Variants in EFHC2 observed in about 807,000 individuals in gnomAD.
EFHC2 encodes EF-hand domain containing 2, also known as EF-hand domain-containing family member C2.
Under a neutral mutation model 52.7 loss-of-function variants are expected in EFHC2, and 18 were observed. The ratio of observed to expected loss-of-function variants is 0.34; its 90% confidence interval spans 0.24 to 0.51. EFHC2 has a LOEUF of 0.51. Ranked by LOEUF, EFHC2 falls within the 20% of genes least tolerant of loss-of-function variation. The pLI, the probability that EFHC2 is intolerant of heterozygous loss-of-function variation, is 0.97. For synonymous variants in EFHC2, 203 were observed against 204.1 expected, an observed-to-expected ratio of 0.99 and a Z score of 0.04; for missense variants, 513 against 562.5, an observed-to-expected ratio of 0.91 and a Z score of 0.89.
intron 2 of EFHC2, among the ~76,000 whole-genome samples, chrX:44,294,707 A>C (rs1196471441): frequency 1.8e-5 from 2 of 112,000 alleles, no homozygotes; most frequent in African/African-American, 6.5e-5. Context: ...CAAAGAGTAC[A>C]CAGTCAAGTA....
At chrX:44,309,184 AC>A (rs1156658582) in intron 2 of EFHC2, 1 of 348,000 alleles carries the variant, frequency 2.9e-6, no homozygotes, top group Non-Finnish European at 5.1e-6. Context: ...TGAGGTAGCT[AC>A]ACAGTTTTAA....
At chrX:44,251,841 A>G (rs1210244590) in intron 4 of EFHC2, among the ~76,000 whole-genome samples, 1 of 108,708 alleles carries the variant, frequency 9.2e-6, no homozygotes, top group African/African-American at 3.3e-5. Flanking sequence ...AATATTCTAC[A>G]TCTCGATTTT....
In EFHC2 at chrX:44,342,834, T is replaced by TC. The variant is rs1207774136; in HGVS notation, c.42+712dup. 1.1e-4 allele frequency among the ~76,000 whole-genome samples: 10 copies of TC among 90,378 alleles called. No individual in the cohort carries two copies. In the East Asian group the frequency reaches 3.3e-3, roughly 30 times the overall value. 78.5% of individuals were successfully genotyped at this position (90,378 alleles called of 115,157 possible). A position where few individuals can be genotyped will look rare whatever the true frequency, so the allele number is the denominator to read the frequency against. Reference sequence around the variant, plus strand: ...GAGGTTGCAGTGAGCCGAGATCGGGTCACTGCACTCCAGCCTGGGCGACAG... The same window carrying TC: ...GAGGTTGCAGTGAGCCGAGATCGGGTCCACTGCACTCCAGCCTGGGCGACAG... On this transcript the variant is annotated intron_variant, in intron 1 of 14. Coordinates refer to ENST00000420999, the MANE Select transcript of EFHC2 (RefSeq NM_025184.4).
At chrX:44,257,538 T>C (rs180914288) in intron 4 of EFHC2, among the ~76,000 whole-genome samples, 219 of 111,637 alleles carry the variant, frequency 2.0e-3, no homozygotes, top group South Asian at 5.3e-3. Flanking sequence ...CCATTCACAA[T>C]TGCTACAAAG....
intron 3 of EFHC2, among the ~76,000 whole-genome samples, chrX:44,270,485 T>C (rs1232257802): frequency 9.0e-6 from 1 of 111,417 alleles, no homozygotes; most frequent in East Asian, 2.8e-4. Context: ...GCAGAAATCA[T>C]GAGATGTGTT....
intron 1 of EFHC2, among the ~76,000 whole-genome samples, chrX:44,325,846 A>C (rs1203822457): frequency 9.6e-6 from 1 of 104,591 alleles, no homozygotes; most frequent in Non-Finnish European, 1.9e-5. Context: ...TTCTATTGCC[A>C]CAATAGCTAA....
At chrX:44,162,493 T>C (rs1376439361) in intron 14 of EFHC2, among the ~76,000 whole-genome samples, 1 of 111,181 alleles carries the variant, frequency 9.0e-6, no homozygotes, top group Non-Finnish European at 1.9e-5. Context: ...CTGTCTTCCT[T>C]GAAGTTAGTC....
intron 14 of EFHC2, among the ~76,000 whole-genome samples, chrX:44,149,571 A>G (rs962387558): frequency 5.4e-5 from 6 of 111,557 alleles, no homozygotes; most frequent in African/African-American, 2.0e-4. Flanking sequence ...GCTGGAGTAC[A>G]CTGGCACAAT....
At chrX:44,155,929 T>C (rs1190508630) in intron 14 of EFHC2, among the ~76,000 whole-genome samples, 2 of 112,444 alleles carry the variant, frequency 1.8e-5, no homozygotes, top group Non-Finnish European at 3.8e-5. Flanking sequence ...AACCAGAAGA[T>C]TAGCTTATAT....
At chrX:44,305,175 T>C (rs1158751137) in intron 2 of EFHC2, among the ~76,000 whole-genome samples, 2 of 110,282 alleles carry the variant, frequency 1.8e-5, no homozygotes, top group Non-Finnish European at 3.8e-5. Flanking sequence ...GACAGGAGAA[T>C]CGCTTGAACT....
chrX:44,262,830 G>A (rs1241828272), intron 3 of EFHC2, among the ~76,000 whole-genome samples: 1 of 111,669 alleles, frequency 9.0e-6, no homozygotes, highest in Non-Finnish European at 1.9e-5. Context: ...GTAACCCTTA[G>A]CTTAGGGAAC....
At chrX:44,284,837 C>T in intron 2 of EFHC2, 1 of 112,061 alleles carries the variant, frequency 8.9e-6, no homozygotes, top group Non-Finnish European at 1.9e-5. Context: ...TTTAAATGTT[C>T]CGGATAACTA....
At chrX:44,279,717 A>AAAAATTACC (rs1300930177) in intron 2 of EFHC2, among the ~76,000 whole-genome samples, 1 of 110,968 alleles carries the variant, frequency 9.0e-6, no homozygotes, top group East Asian at 2.8e-4. Context: ...AAGCAGTGAA[A>AAAAATTACC]AAAATTACCA....
At chrX:44,208,803 C>T (rs2037068902) in intron 11 of EFHC2, among the ~76,000 whole-genome samples, 1 of 111,778 alleles carries the variant, frequency 8.9e-6, no homozygotes, top group Non-Finnish European at 1.9e-5. Context: ...TTAGAACTTA[C>T]CCTGCTTATA....
intron 12 of EFHC2, among the ~76,000 whole-genome samples, 198 bp downstream of exon 12, chrX:44,178,169 A>ACACACACACACACACACAC (rs3037408): frequency 3.7e-5 from 4 of 107,371 alleles, no homozygotes; most frequent in East Asian, 2.9e-4. Flanking sequence ...ACACACACAC[A>ACACACACACACACACACAC]AGCTCTCCAT....
intron 2 of EFHC2, among the ~76,000 whole-genome samples, chrX:44,287,261 T>C (rs2037758514): frequency 9.1e-6 from 1 of 109,512 alleles, no homozygotes; most frequent in Admixed American, 9.8e-5. Context: ...ACACAATGAG[T>C]TTTCCTTTCA....
At chrX:44,226,805 G>C (rs2037235752) in intron 11 of EFHC2, among the ~76,000 whole-genome samples, 1 of 109,399 alleles carries the variant, frequency 9.1e-6, no homozygotes, top group Non-Finnish European at 1.9e-5. Flanking sequence ...ATGATGGGTT[G>C]ATGGGTGCAG....
chrX:44,276,738 T>A (rs2037660778), intron 2 of EFHC2, among the ~76,000 whole-genome samples: 1 of 112,505 alleles, frequency 8.9e-6, no homozygotes, highest in Non-Finnish European at 1.9e-5. Context: ...GATTCTTAAT[T>A]TTCACTTAAA....
At chrX:44,292,140 T>C (rs1479204821) in intron 2 of EFHC2, among the ~76,000 whole-genome samples, 3 of 111,599 alleles carry the variant, frequency 2.7e-5, no homozygotes. Flanking sequence ...ATATGTGTGT[T>C]TTTTTGTGTG....
Sources: allele counts gnomAD v4.1 joint callset (sites outside exome capture counted in the v4.1 genomes callset), GRCh38; gene constraint gnomAD v4.1.1; transcripts MANE v1.5; gene names NCBI Gene and HGNC (gene_info 2026-07-23, HGNC 2026-07-21).